Variants in PLEKHG1 observed in about 807,000 individuals in gnomAD.
The protein encoded by PLEKHG1 is pleckstrin homology domain-containing family G member 1.
PLEKHG1 carries 44 observed loss-of-function variants against 100.8 expected under a neutral mutation model. The ratio of observed to expected loss-of-function variants is 0.44; its 90% CI spans 0.34 to 0.56. The LOEUF (loss-of-function observed/expected upper bound fraction) is 0.56, where lower values mean the gene tolerates loss of function less well. PLEKHG1 is among the 20% of genes least tolerant of loss of function. PLEKHG1 has a pLI of 0.01. For missense variants in PLEKHG1, 1,545 were observed against 1,720.9 expected (o/e 0.90, Z 1.81); for synonymous variants, 640 against 662.5 (o/e 0.97, Z 0.52).
Position 150,722,994 on chromosome 6 carries a change from G to A in PLEKHG1, c.-99+1794G>A, listed in dbSNP as rs563877023. Among the ~76,000 whole-genome samples the A allele has an allele frequency of 3.4e-4, 51 of 152,200 alleles. No individual in the cohort carries two copies. In the East Asian group the frequency reaches 6.2e-3, roughly 18 times the overall value. On this transcript the variant is annotated intron_variant, in intron 1 of 15. Coordinates refer to ENST00000358517, the Ensembl canonical transcript of PLEKHG1. ...GATTTTTTTAGCCTTTGAAAAACTC[G>A]GTGATACACAGTTTTTCATCATCCA...
chr6:150,802,242 G>A (rs1329927746), intron 6 of PLEKHG1, among the ~76,000 whole-genome samples: 2 of 152,202 alleles, frequency 1.3e-5, no homozygotes, highest in Middle Eastern at 3.4e-3. Flanking sequence ...GTCACATCAG[G>A]GATATTATTT....
chr6:150,831,369 T>C lies in PLEKHG1; in HGVS notation c.2258T>C (p.Leu753Pro). 6.2e-7 allele frequency: 1 copy of C among 1,614,084 alleles called. No individual in the cohort carries two copies. The highest frequency in any genetic ancestry group is 8.5e-7 in the Non-Finnish European group (1 of 1,180,024). The change falls in exon 15 of 16, where the codon CTG becomes CCG. Residue 753 changes from leucine to proline, a missense_variant. Coordinates refer to ENST00000358517, the Ensembl canonical transcript of PLEKHG1. The surrounding 1 kb of genome is among the most constrained non-coding windows in gnomAD (Gnocchi z 4.1). ...ATAGGGCTCCCAGATCCTCCGTCGC[T>C]GGGTTTTAAGTGCAGCAGCCTAAAG...
chr6:150,741,242 A>C (rs944606082), intron 2 of PLEKHG1, among the ~76,000 whole-genome samples: 2 of 152,098 alleles, frequency 1.3e-5, no homozygotes, highest in Non-Finnish European at 2.9e-5. Context: ...GAGCAAAATG[A>C]GTTGAGATTT....
chr6:150,738,749 T>C (rs1782699062), intron 2 of PLEKHG1, among the ~76,000 whole-genome samples: 3 of 152,230 alleles, frequency 2.0e-5, no homozygotes, highest in Admixed American at 2.0e-4. Context: ...CCTAGTCATT[T>C]ACTTTTGTAC....
intron 2 of PLEKHG1, among the ~76,000 whole-genome samples, chr6:150,639,338 CAATG>C (rs1313069418): frequency 6.6e-6 from 1 of 152,124 alleles, no homozygotes; most frequent in African/African-American, 2.4e-5. Context: ...AAGAAATTGA[CAATG>C]AACATATTCA....
Position 150,611,727 on chromosome 6 carries a change from G to A in PLEKHG1, c.-204+11710G>A, listed in dbSNP as rs528464165. On this transcript the variant is annotated intron_variant, in intron 1 of 3. Coordinates refer to the PLEKHG1 transcript ENST00000367326. ...CTTGGGAGGCTAAGGCAGGAGAGTC[G>A]CTTCAACTCGGTAGGCGGAGGTTGC... is the stretch of plus-strand genomic sequence containing the variant. Among the ~76,000 whole-genome samples, 9 of 150,696 alleles carry A rather than the reference G, an allele frequency of 6.0e-5. No individual in the cohort carries two copies. The South Asian group carries it at 8.4e-4, about 14-fold the overall frequency.
At chr6:150,695,580 T>A (rs2128595720) in intron 3 of PLEKHG1, among the ~76,000 whole-genome samples, 1 of 152,364 alleles carries the variant, frequency 6.6e-6, no homozygotes, top group East Asian at 1.9e-4. Context: ...TGGACTTGTG[T>A]AGCTTGCCTA....
intron 5 of PLEKHG1, among the ~76,000 whole-genome samples, chr6:150,799,296 C>T (rs527965939): frequency 3.3e-5 from 5 of 152,308 alleles, no homozygotes; most frequent in Admixed American, 3.3e-4. Flanking sequence ...GACAAATTTT[C>T]CTTCCCCCTT....
At chr6:150,607,213 C>T (rs1034857614) in intron 1 of PLEKHG1, among the ~76,000 whole-genome samples, 1 of 152,072 alleles carries the variant, frequency 6.6e-6, no homozygotes, top group Non-Finnish European at 1.5e-5. Flanking sequence ...GATTTAAGGC[C>T]GTCTCTGACC....
chr6:150,815,863 G>T (rs2128674631), intron 10 of PLEKHG1, among the ~76,000 whole-genome samples: 1 of 152,276 alleles, frequency 6.6e-6, no homozygotes, highest in East Asian at 1.9e-4. Context: ...GGCAAGAAAG[G>T]CTACAATCCC....
intron 15 of PLEKHG1, among the ~76,000 whole-genome samples, chr6:150,834,127 A>G (rs1777103112): frequency 6.6e-6 from 1 of 152,096 alleles, no homozygotes; most frequent in African/African-American, 2.4e-5. Flanking sequence ...GATTTCACAG[A>G]CTCTGAGTTC....
At chr6:150,836,832 AAAAAG>A (rs1428117206) in intron 15 of PLEKHG1, among the ~76,000 whole-genome samples, 8 of 151,782 alleles carry the variant, frequency 5.3e-5, no homozygotes, top group African/African-American at 1.2e-4. Flanking sequence ...CAAAAAAAAA[AAAAAG>A]AAAAGAAAAG....
chr6:150,690,814 C>T (rs762025693), intron 3 of PLEKHG1, among the ~76,000 whole-genome samples: 2 of 152,162 alleles, frequency 1.3e-5, no homozygotes, highest in Admixed American at 6.5e-5. Flanking sequence ...AGTGAAATCA[C>T]GGTTATTTTC....
At chr6:150,709,409 C>T (rs1477221652) in intron 3 of PLEKHG1, among the ~76,000 whole-genome samples, 1 of 152,172 alleles carries the variant, frequency 6.6e-6, no homozygotes, top group African/African-American at 2.4e-5. Flanking sequence ...GGTTTTGCAT[C>T]AACCTGTGGT....
chr6:150,656,014 T>A (rs1231754436), intron 3 of PLEKHG1, among the ~76,000 whole-genome samples: 1 of 151,946 alleles, frequency 6.6e-6, no homozygotes, highest in Non-Finnish European at 1.5e-5. Context: ...GGTTGATGGG[T>A]GTAGCAGACC....
At chr6:150,636,487 T>TC (rs1394950252) in intron 1 of PLEKHG1, among the ~76,000 whole-genome samples, 1 of 26,010 alleles carries the variant, frequency 3.8e-5, no homozygotes, top group Non-Finnish European at 9.6e-5. Context: ...CTTTTTTTTT[T>TC]CTGTTTTTTG....
At chr6:150,609,406 C>A (rs572519795) in intron 1 of PLEKHG1, among the ~76,000 whole-genome samples, 1 of 152,026 alleles carries the variant, frequency 6.6e-6, no homozygotes, top group African/African-American at 2.4e-5. Flanking sequence ...TGAGAAGATC[C>A]GAGGGAATAA....
upstream of PLEKHG1, among the ~76,000 whole-genome samples, chr6:150,719,048 A>G (rs564303815): frequency 3.7e-4 from 57 of 152,346 alleles, no homozygotes; most frequent in African/African-American, 1.3e-3. Flanking sequence ...GTCTTTACTT[A>G]CACAAGTTGA....
At chr6:150,817,726 C>A (rs997116300) in intron 10 of PLEKHG1, among the ~76,000 whole-genome samples, 10 of 151,656 alleles carry the variant, frequency 6.6e-5, no homozygotes, top group Non-Finnish European at 1.5e-5. Flanking sequence ...CCTGGCTAAT[C>A]TTTGTATTTT....
Sources: allele counts gnomAD v4.1 joint callset (sites outside exome capture counted in the v4.1 genomes callset), GRCh38; gene constraint gnomAD v4.1.1; non-coding constraint Gnocchi (gnomAD v3.1); transcripts MANE v1.5; gene names NCBI Gene and HGNC (gene_info 2026-07-23, HGNC 2026-07-21).